Variants in CSNK1G2 observed in about 807,000 individuals in gnomAD.
The protein encoded by CSNK1G2 is casein kinase 1 gamma 2, also known as casein kinase I isoform gamma-2.
Under a neutral mutation model 48.0 loss-of-function variants are expected in CSNK1G2, and 11 were observed. That is an observed-to-expected ratio of 0.23 (90% CI 0.14 to 0.38). CSNK1G2 has a LOEUF of 0.38. Ranked by LOEUF, CSNK1G2 falls within the 10% of genes least tolerant of loss-of-function variation. CSNK1G2 has a pLI of 1.00. For synonymous variants in CSNK1G2, 337 were observed against 254.1 expected (o/e 1.33, Z -3.10); for missense variants, 446 against 595.5 (o/e 0.75, Z 2.61).
At chr19:1,960,954 C>A (rs1568191386) in intron 1 of CSNK1G2, among the ~76,000 whole-genome samples, 1 of 152,230 alleles carries the variant, frequency 6.6e-6, no homozygotes, top group Non-Finnish European at 1.5e-5. Context: ...GAGAGGGTTT[C>A]CAGAAGAAGG....
chr19:1,963,079 C>CTCCA (rs2015253021), intron 1 of CSNK1G2, among the ~76,000 whole-genome samples: 1 of 152,092 alleles, frequency 6.6e-6, no homozygotes, highest in Non-Finnish European at 1.5e-5. Flanking sequence ...CAATGAGACA[C>CTCCA]GCCAGACACA....
In CSNK1G2 at chr19:1,979,580, C is replaced by T. The variant is rs149326311; in HGVS notation, c.939C>T (p.Thr313=). ...PDYDYLRKLF[T]DLFDRSGFVF... ...ATGACTACCTGCGGAAGCTCTTCAC[C>T]GACCTCTTCGACCGCAGTGGCTTCG... The change falls in exon 9 of 12, where the codon ACC becomes ACT. Residue 313 remains threonine, a synonymous_variant. Transcript: ENST00000255641. The T allele has an allele frequency of 3.9e-3, 6,206 of 1,607,976 alleles. 34 individuals carry two copies. Among genetic ancestry groups the T allele is most frequent in the South Asian group, 0.012 (1,090 of 91,078 alleles).
intron 1 of CSNK1G2, among the ~76,000 whole-genome samples, chr19:1,941,788 C>G (rs1001299498): frequency 3.3e-5 from 5 of 149,692 alleles, no homozygotes; most frequent in African/African-American, 1.2e-4. Context: ...GTGACCCCCC[C>G]ACTCTGCACC....
At chr19:1,973,557 G>T (rs1023149384) in intron 2 of CSNK1G2, among the ~76,000 whole-genome samples, 2 of 152,184 alleles carry the variant, frequency 1.3e-5, no homozygotes, top group Non-Finnish European at 2.9e-5. Flanking sequence ...GGAGTGCTTG[G>T]CCCTGTCCCC....
At chr19:1,970,487 C>G (rs998330530) in intron 2 of CSNK1G2, among the ~76,000 whole-genome samples, 2 of 152,232 alleles carry the variant, frequency 1.3e-5, no homozygotes, top group Non-Finnish European at 2.9e-5. Context: ...ACACCAACCT[C>G]TCCCGGGTCG....
intron 1 of CSNK1G2, chr19:1,952,851 CT>C: frequency 2.6e-6 from 1 of 385,054 alleles, no homozygotes; most frequent in Non-Finnish European, 5.1e-6. Flanking sequence ...CTGCTGTGCC[CT>C]TCACTCTGCA....
At chr19:1,943,877 C>T (rs1183666011) in intron 1 of CSNK1G2, among the ~76,000 whole-genome samples, 2 of 152,230 alleles carry the variant, frequency 1.3e-5, no homozygotes, top group African/African-American at 2.4e-5. Flanking sequence ...TGACCGAGGC[C>T]TGGCGGAGGG....
chr19:1,961,863 T>G (rs1414920906), intron 1 of CSNK1G2, among the ~76,000 whole-genome samples: 1 of 151,956 alleles, frequency 6.6e-6, no homozygotes, highest in Non-Finnish European at 1.5e-5. Flanking sequence ...TAAGCAGGGG[T>G]GAGGGGCACC....
chr19:1,957,044 C>T lies in CSNK1G2; in HGVS notation c.-265-12464C>T, dbSNP rs762404134. On this transcript the variant is annotated intron_variant, in intron 1 of 11. Coordinates refer to ENST00000255641, the MANE Select transcript of CSNK1G2 (RefSeq NM_001319.7). The surrounding 1 kb of genome is among the most constrained non-coding windows in gnomAD (Gnocchi z 5.4). The stretch of plus-strand genomic sequence containing the variant: ...GGCTGGTGGTGGCGCCCCCCTTCGA[C>T]GGTCGTGCCCTGATGCTGCGTGGCT... 3.9e-5 allele frequency among the ~76,000 whole-genome samples: 6 copies of T among 152,176 alleles called. No homozygotes were observed. The highest frequency in any genetic ancestry group is 8.8e-5 in the Non-Finnish European group (6 of 68,022).
intron 1 of CSNK1G2, chr19:1,953,821 G>A (rs757861941): frequency 1.9e-6 from 1 of 526,298 alleles, no homozygotes; most frequent in Non-Finnish European, 3.9e-6. Flanking sequence ...GCGATCACCT[G>A]TGGCCCTCCT....
intron 8 of CSNK1G2, 28 bp downstream of exon 8, chr19:1,979,431 T>TGGGGG: frequency 4.3e-6 from 4 of 937,992 alleles, no homozygotes; most frequent in Non-Finnish European, 6.2e-6. Flanking sequence ...CCCCGCCCTG[T>TGGGGG]GCCCCCCACC....
At chr19:1,955,725 A>G (rs1165844201) in intron 1 of CSNK1G2, among the ~76,000 whole-genome samples, 4 of 151,732 alleles carry the variant, frequency 2.6e-5, no homozygotes, top group Non-Finnish European at 2.9e-5. Flanking sequence ...TGCTCAGCGG[A>G]CCCCCGTGCC....
At position 1,959,810 on chromosome 19, in the gene CSNK1G2, C is replaced by T. The variant is rs71337065; in HGVS notation, c.-265-9698C>T. Among the ~76,000 whole-genome samples the T allele has an allele frequency of 8.9e-5, 10 of 112,900 alleles. 1 individual carries two copies. The highest frequency in any genetic ancestry group is 2.8e-4 in the South Asian group (1 of 3,552). 74.1% of individuals were successfully genotyped at this position (112,900 alleles called of 152,430 possible). ...GTGCCACCCTGGGTCCCCCAGCACCCGCCCCACCTTTAGTACCACCCTGAG... is the reference window on the plus strand; with the variant it reads ...GTGCCACCCTGGGTCCCCCAGCACCTGCCCCACCTTTAGTACCACCCTGAG... On this transcript the variant is annotated intron_variant, in intron 1 of 11. Transcript: ENST00000255641.
intron 1 of CSNK1G2, among the ~76,000 whole-genome samples, chr19:1,963,456 C>T (rs1419754079): frequency 6.6e-6 from 1 of 152,014 alleles, no homozygotes; most frequent in Non-Finnish European, 1.5e-5. Flanking sequence ...TCGTGATCCC[C>T]CTGCCTCGGC....
intron 1 of CSNK1G2, among the ~76,000 whole-genome samples, chr19:1,955,510 G>A (rs1376498692): frequency 4.8e-5 from 7 of 147,286 alleles, no homozygotes; most frequent in Admixed American, 2.0e-4. Flanking sequence ...GTGGGCGTGT[G>A]CCAGGGTGAG....
chr19:1,964,842 C>T (rs1000199655), intron 1 of CSNK1G2, among the ~76,000 whole-genome samples: 6 of 151,646 alleles, frequency 4.0e-5, no homozygotes. Flanking sequence ...TCTCCTGCCT[C>T]AGCTTCCCGA....
chr19:1,971,821 G>T (rs1220493425), intron 2 of CSNK1G2, among the ~76,000 whole-genome samples: 2 of 149,106 alleles, frequency 1.3e-5, no homozygotes, highest in Admixed American at 1.4e-4. Flanking sequence ...CCAGGCTGGA[G>T]TGCAGTGGCG....
chr19:1,963,079 C>CTCCAGGCTCAATGAGACAT (rs2015253021), intron 1 of CSNK1G2, among the ~76,000 whole-genome samples: 3 of 152,210 alleles, frequency 2.0e-5, no homozygotes, highest in African/African-American at 4.8e-5. Context: ...CAATGAGACA[C>CTCCAGGCTCAATGAGACAT]GCCAGACACA....
intron 2 of CSNK1G2, chr19:1,975,952 T>G (rs910574626): frequency 1.6e-5 from 14 of 880,350 alleles, no homozygotes; most frequent in Admixed American, 2.7e-5. Context: ...GGAGAATCGC[T>G]TGAACCCAGG....
Sources: gnomAD v4.1 joint callset for allele counts (sites outside exome capture counted in the v4.1 genomes callset) on GRCh38, gnomAD v4.1.1 for gene constraint, Gnocchi (gnomAD v3.1) non-coding constraint, MANE v1.5 for transcripts, NCBI Gene and HGNC (gene_info 2026-07-23, HGNC 2026-07-21) for gene names.